Variants in ESRRG observed in about 807,000 individuals in gnomAD.
The protein encoded by ESRRG is estrogen related receptor gamma.
Under a neutral mutation model 44.0 loss-of-function variants are expected in ESRRG, and 13 were observed. That is an observed-to-expected ratio of 0.30 (90% CI 0.19 to 0.47). The LOEUF is 0.47. ESRRG is among the 20% of genes least tolerant of loss of function. The pLI, the probability that ESRRG is intolerant of heterozygous loss-of-function variation, is 1.00. For missense variants in ESRRG, 395 were observed against 580.6 expected (o/e 0.68, Z 3.29); for synonymous variants, 215 against 214.6 (o/e 1.00, Z -0.02).
chr1:216,901,297 T>C (rs2059041331), intron 2 of ESRRG, among the ~76,000 whole-genome samples: 1 of 152,130 alleles, frequency 6.6e-6, no homozygotes, highest in Non-Finnish European at 1.5e-5. Flanking sequence ...TCCTGACATA[T>C]AGGACACTAG....
chr1:216,789,192 G>A (rs1410992552), intron 2 of ESRRG, among the ~76,000 whole-genome samples: 1 of 152,132 alleles, frequency 6.6e-6, no homozygotes, highest in African/African-American at 2.4e-5. Context: ...AGCATTGCAT[G>A]CAACAGAGAA....
At chr1:217,078,738 C>T (rs1448492868) in intron 1 of ESRRG, among the ~76,000 whole-genome samples, 1 of 152,110 alleles carries the variant, frequency 6.6e-6, no homozygotes, top group Non-Finnish European at 1.5e-5. Context: ...AATGCATTTC[C>T]CTCTGCTTCT....
At chr1:216,957,939 T>C (rs947635367) in intron 1 of ESRRG, among the ~76,000 whole-genome samples, 2 of 152,178 alleles carry the variant, frequency 1.3e-5, no homozygotes, top group East Asian at 3.9e-4. Flanking sequence ...TCCTGTCCAC[T>C]CAATCGCCTC....
intron 3 of ESRRG, among the ~76,000 whole-genome samples, chr1:216,634,302 T>G (rs2064845455): frequency 6.6e-6 from 1 of 152,170 alleles, no homozygotes. Flanking sequence ...TCCCTTTAAT[T>G]AGATAACAGT....
chr1:216,974,543 T>A (rs2072457886), intron 1 of ESRRG, among the ~76,000 whole-genome samples: 1 of 152,104 alleles, frequency 6.6e-6, no homozygotes, highest in African/African-American at 2.4e-5. Flanking sequence ...TACATTAGCC[T>A]CCAAAGTTCT....
At chr1:216,946,787 G>T (rs978760256) in intron 1 of ESRRG, among the ~76,000 whole-genome samples, 8 of 151,776 alleles carry the variant, frequency 5.3e-5, no homozygotes, top group African/African-American at 1.7e-4. Context: ...TATGATCTCA[G>T]ATCACTGGTT....
chr1:216,782,351 A>C (rs1467794893), intron 2 of ESRRG, among the ~76,000 whole-genome samples: 1 of 152,102 alleles, frequency 6.6e-6, no homozygotes, highest in South Asian at 2.1e-4. Flanking sequence ...TGGGGTGATA[A>C]GTATTTTCTC....
intron 1 of ESRRG, among the ~76,000 whole-genome samples, chr1:216,969,766 G>T (rs1467996115): frequency 2.0e-5 from 3 of 152,052 alleles, no homozygotes; most frequent in Non-Finnish European, 4.4e-5. Flanking sequence ...TGTATTTTTA[G>T]TAGAGACAGG....
In ESRRG at chr1:216,815,059, C is replaced by A. The variant is rs78862392; in HGVS notation, c.-14+124523G>T. Among the ~76,000 whole-genome samples the A allele has an allele frequency of 4.1e-3, 621 of 152,256 alleles. 4 individuals carry two copies. The highest frequency in any genetic ancestry group is 0.014 in the African/African-American group (585 of 41,528). ...TTAAGGGCTTGACGCAGGGAAGAAGCATAGATTAGCGGTTAGCATAATAGC... is the reference window on the plus strand; with the variant it reads ...TTAAGGGCTTGACGCAGGGAAGAAGAATAGATTAGCGGTTAGCATAATAGC... On this transcript the variant is annotated intron_variant, in intron 2 of 7. Transcript: ENST00000359162.
chr1:216,553,366 A>T (rs1269341278), intron 5 of ESRRG, among the ~76,000 whole-genome samples: 1 of 152,108 alleles, frequency 6.6e-6, no homozygotes, highest in Non-Finnish European at 1.5e-5. Flanking sequence ...ATGGTATTTA[A>T]TTGGGCTCAG....
At chr1:216,774,329 G>A (rs2093506479) in intron 2 of ESRRG, among the ~76,000 whole-genome samples, 1 of 152,124 alleles carries the variant, frequency 6.6e-6, no homozygotes, top group Admixed American at 6.6e-5. Context: ...AGGGGCCACA[G>A]TTTAGCCTGT....
intron 5 of ESRRG, among the ~76,000 whole-genome samples, chr1:216,540,703 C>T (rs183310368): frequency 4.0e-5 from 6 of 151,890 alleles, no homozygotes; most frequent in South Asian, 2.1e-4. Context: ...CTTGAGTAAC[C>T]GAAATATAGG....
chr1:216,839,856 T>C (rs2095624248), intron 2 of ESRRG, among the ~76,000 whole-genome samples: 1 of 152,200 alleles, frequency 6.6e-6, no homozygotes, highest in South Asian at 2.1e-4. Flanking sequence ...ACAGTGGGCT[T>C]AAAATATTTA....
rs968449724 is a variant in ESRRG at position 216,620,294 on chromosome 1, C to T, written c.589+30679G>A. ...GTTTTGAGGATGAAATGATTTAATA[C>T]GTGTAAAGCATTTAGAACATGTGGT... On this transcript the variant is annotated intron_variant, in intron 3 of 6. Coordinates refer to ENST00000408911, the MANE Select transcript of ESRRG (RefSeq NM_001438.4). 5.3e-5 allele frequency among the ~76,000 whole-genome samples: 8 copies of T among 152,194 alleles called. No homozygotes were observed. The South Asian group carries it at 8.3e-4, about 16-fold the overall frequency.
At chr1:216,807,234 C>A (rs1399569532) in intron 2 of ESRRG, among the ~76,000 whole-genome samples, 1 of 152,080 alleles carries the variant, frequency 6.6e-6, no homozygotes. Flanking sequence ...TCCTTTCACC[C>A]GCAAAGACGG....
intron 1 of ESRRG, among the ~76,000 whole-genome samples, chr1:217,062,806 G>A (rs991942969): frequency 9.2e-5 from 14 of 152,080 alleles, no homozygotes; most frequent in Non-Finnish European, 1.2e-4. Flanking sequence ...ACACTTTTAC[G>A]GCTTGGAAAT....
chr1:217,083,892 T>C (rs2091920089), intron 1 of ESRRG, among the ~76,000 whole-genome samples: 1 of 152,210 alleles, frequency 6.6e-6, no homozygotes, highest in Non-Finnish European at 1.5e-5. Context: ...TATAACTTGC[T>C]AACAATTTTC....
intron 3 of ESRRG, among the ~76,000 whole-genome samples, chr1:216,582,471 T>C (rs1035439485): frequency 2.6e-5 from 4 of 152,192 alleles, no homozygotes; most frequent in Non-Finnish European, 5.9e-5. Flanking sequence ...AGACAGAGTC[T>C]TGCTCTGTCA....
intron 2 of ESRRG, among the ~76,000 whole-genome samples, chr1:216,816,557 A>G (rs74899022): frequency 0.032 from 4,944 of 152,322 alleles, 107 homozygotes; most frequent in East Asian, 0.059. Flanking sequence ...ACACTCTAAG[A>G]AACACACCCG....
Sources: gnomAD v4.1 joint callset for allele counts (sites outside exome capture counted in the v4.1 genomes callset) on GRCh38, gnomAD v4.1.1 for gene constraint, MANE v1.5 for transcripts, NCBI Gene and HGNC (gene_info 2026-07-23, HGNC 2026-07-21) for gene names.